HNRNPA3: variants seen among roughly 807,000 people sequenced by gnomAD.
The protein encoded by HNRNPA3 is heterogeneous nuclear ribonucleoprotein A3, also known as epididymis secretory sperm binding protein.
HNRNPA3 carries 3 observed loss-of-function variants against 45.8 expected under a neutral mutation model. That is an observed-to-expected ratio of 0.07 (90% CI 0.03 to 0.17). The LOEUF (loss-of-function observed/expected upper bound fraction) is 0.17. Among genes scored for constraint, HNRNPA3 ranks in the 10% least tolerant of loss-of-function variants. The pLI is 1.00. For synonymous variants in HNRNPA3, 170 were observed against 155.6 expected (o/e 1.09, Z -0.69); for missense variants, 183 against 480.3 (o/e 0.38, Z 5.79).
At chr2:177,219,081 A>G in exon 9 of HNRNPA3, 10 of 1,614,144 alleles carry the variant, frequency 6.2e-6, no homozygotes, top group Non-Finnish European at 8.5e-6. Context: ...TGGAAATTAT[A>G]GTGGACAACA....
At chr2:177,213,678 T>C (rs1431237507) in intron 1 of HNRNPA3, among the ~76,000 whole-genome samples, 1 of 152,102 alleles carries the variant, frequency 6.6e-6, no homozygotes. Flanking sequence ...CCCAGCCAGC[T>C]CCTTCCCGGC....
Position 177,216,962 on chromosome 2 carries a change from A to G in HNRNPA3, c.820+22A>G. Reference sequence around the variant, plus strand: ...GATGGTAGGTGGCTTATTTTCATTGATGTTTGATATTTTAACTTTCTTTAC... The same window carrying G: ...GATGGTAGGTGGCTTATTTTCATTGGTGTTTGATATTTTAACTTTCTTTAC... On this transcript the variant is annotated intron_variant, in intron 7 of 10. Transcript: ENST00000392524. 2.0e-6 allele frequency: 3 copies of G among 1,469,922 alleles called. No homozygotes were observed. The South Asian group carries it at 3.9e-5, about 19-fold the overall frequency. The allele number at this position is 1,469,922 out of a possible 1,614,324, so 91.1% of individuals were successfully genotyped here. A position where few individuals can be genotyped will look rare whatever the true frequency, so the allele number is the denominator to read the frequency against.
At chr2:177,216,162 A>G in exon 4 of HNRNPA3, 1 of 1,578,256 alleles carries the variant, frequency 6.3e-7, no homozygotes, top group Non-Finnish European at 8.6e-7. Context: ...ACTTTTGATG[A>G]TCATGATACA....
chr2:177,213,942 A>G (rs1688805935), intron 1 of HNRNPA3, among the ~76,000 whole-genome samples: 2 of 152,248 alleles, frequency 1.3e-5, no homozygotes, highest in Non-Finnish European at 2.9e-5. Flanking sequence ...ACTTGAAAAG[A>G]TGAGATTACA....
rs564207891 is a variant in HNRNPA3, at chr2:177,217,270, GATACTTGATACTCTATT to G, written c.820+333_820+349del. Among the ~76,000 whole-genome samples, 192 of 152,266 alleles carry G rather than the reference GATACTTGATACTCTATT, an allele frequency of 1.3e-3. 1 individual carries two copies. The highest frequency in any genetic ancestry group is 4.4e-3 in the African/African-American group (181 of 41,550). The stretch of plus-strand genomic sequence containing the variant: ...TTTATTTTTCATTCTTACTAGTGCA[GATACTTGATACTCTATT>G]ATTATTAGGTATTACCAGGCTTCAG... On this transcript the variant is annotated intron_variant, in intron 7 of 10. Transcript: ENST00000392524.
At chr2:177,223,244 C>T (rs1689263823), downstream of HNRNPA3, 1 of 152,032 alleles carries the variant, frequency 6.6e-6, no homozygotes, top group Admixed American at 6.6e-5. Flanking sequence ...TGATGAATTT[C>T]CTTCACAACA....
chr2:177,220,020 TTG>T (rs1055176204), exon 11 of HNRNPA3: 20 of 152,730 alleles, frequency 1.3e-4, no homozygotes, highest in African/African-American at 4.1e-4. Flanking sequence ...AATAGATAAT[TTG>T]TGTGTTTGCA....
chr2:177,216,836 AATTC>A lies in HNRNPA3; in HGVS notation c.740-20_740-17del, dbSNP rs761493540. On this transcript the variant is annotated intron_variant, in intron 6 of 10. Transcript: ENST00000392524. Reference sequence around the variant, plus strand: ...TTTGGTAAGTTGAATATATTATTTTAATTCATTTCTTGTTTTTCCTCAGGAGGCT... The same window carrying A: ...TTTGGTAAGTTGAATATATTATTTTAATTTCTTGTTTTTCCTCAGGAGGCT... The A allele has an allele frequency of 1.9e-6, 3 of 1,612,384 alleles. No individual in the cohort carries two copies.
intron 7 of HNRNPA3, among the ~76,000 whole-genome samples, chr2:177,217,280 AC>A (rs1371412253): frequency 6.6e-6 from 1 of 151,804 alleles, no homozygotes; most frequent in Non-Finnish European, 1.5e-5. Flanking sequence ...GATACTTGAT[AC>A]TCTATTATTA....
At chr2:177,223,137 G>C (rs1689259717), downstream of HNRNPA3, 1 of 152,214 alleles carries the variant, frequency 6.6e-6, no homozygotes, top group Non-Finnish European at 1.5e-5. Flanking sequence ...CCTACATGAA[G>C]AAGCAGTTTG....
At chr2:177,213,567 C>T (rs916327762) in intron 1 of HNRNPA3, among the ~76,000 whole-genome samples, 1 of 152,170 alleles carries the variant, frequency 6.6e-6, no homozygotes, top group African/African-American at 2.4e-5. Flanking sequence ...TAAAATACTT[C>T]CTGATATATT....
In HNRNPA3 at chr2:177,219,034, C is replaced by T. The variant is rs2105436247; in HGVS notation, c.962-3C>T. ...ACCACACATAAAACCTTTCTGATTT[C>T]AGGTAACTATGGTGGTGGTGGGAAC... On this transcript the variant is annotated splice_region_variant and splice_polypyrimidine_tract_variant and intron_variant, in intron 8 of 10. Coordinates refer to ENST00000392524, the Ensembl canonical transcript of HNRNPA3. 2 of 1,612,870 alleles carry T rather than the reference C, an allele frequency of 1.2e-6. No homozygotes were observed. Among genetic ancestry groups the T allele is most frequent in the African/African-American group, 2.7e-5 (2 of 74,978 alleles).
intron 8 of HNRNPA3, 25 bp downstream of exon 8, chr2:177,217,870 AAT>A: frequency 6.5e-7 from 1 of 1,533,348 alleles, no homozygotes; most frequent in Non-Finnish European, 8.8e-7. Context: ...GTTTTATTTA[AAT>A]GTTAAATATT....
intron 1 of HNRNPA3, among the ~76,000 whole-genome samples, chr2:177,215,100 TTTG>T (rs1049595409): frequency 7.3e-5 from 11 of 151,660 alleles, no homozygotes; most frequent in South Asian, 2.1e-4. Context: ...GGTCAAAGTT[TTTG>T]TTGTTTTGTT....
chr2:177,218,266 G>C (rs1689041720), intron 8 of HNRNPA3, among the ~76,000 whole-genome samples: 2 of 152,160 alleles, frequency 1.3e-5, no homozygotes, highest in Admixed American at 6.5e-5. Flanking sequence ...GTTTCACCAT[G>C]TTAGCCAGGA....
chr2:177,220,306 C>A (rs990767746), downstream of HNRNPA3: 1 of 152,434 alleles, frequency 6.6e-6, no homozygotes, highest in Non-Finnish European at 1.5e-5. Flanking sequence ...CATTTAAATT[C>A]TGAAAAGGGA....
intron 7 of HNRNPA3, 121 bp downstream of exon 7, chr2:177,217,061 C>G: frequency 9.3e-7 from 1 of 1,078,168 alleles, no homozygotes; most frequent in Non-Finnish European, 1.3e-6. Flanking sequence ...AGGTGTATTT[C>G]CAAACTGTAC....
chr2:177,223,523 G>A (rs368679985), downstream of HNRNPA3: 1 of 152,212 alleles, frequency 6.6e-6, no homozygotes, highest in South Asian at 2.1e-4. Flanking sequence ...TGTCCTAAAG[G>A]AGAATATGTG....
At chr2:177,222,281 G>A (rs554987339), downstream of HNRNPA3, 98 of 152,312 alleles carry the variant, frequency 6.4e-4, no homozygotes, top group African/African-American at 2.2e-3. Context: ...TGTCCTACAC[G>A]TTTTAAACCT....
Sources: gnomAD v4.1 joint callset for allele counts (sites outside exome capture counted in the v4.1 genomes callset) on GRCh38, gnomAD v4.1.1 for gene constraint, MANE v1.5 for transcripts, NCBI Gene and HGNC (gene_info 2026-07-23, HGNC 2026-07-21) for gene names.